The following IMMP2L variants were observed in gnomAD, a reference collection of about 807,000 sequenced individuals.
IMMP2L encodes inner mitochondrial membrane peptidase subunit 2.
Under a neutral mutation model 19.3 loss-of-function variants are expected in IMMP2L, and 18 were observed. That is an observed-to-expected ratio of 0.93 (90% CI 0.64 to 1.38). IMMP2L has a LOEUF of 1.38. Among genes scored for constraint, IMMP2L ranks in the 40% most tolerant of loss-of-function variants. IMMP2L has a pLI of 0.00. For missense variants in IMMP2L, 233 were observed against 218.2 expected (o/e 1.07, Z -0.43); for synonymous variants, 76 against 73.0 (o/e 1.04, Z -0.21).
chr7:111,190,052 A>T (rs1308733902), intron 3 of IMMP2L, among the ~76,000 whole-genome samples: 1 of 152,178 alleles, frequency 6.6e-6, no homozygotes, highest in Admixed American at 6.5e-5. Context: ...AGTATATAAA[A>T]ATAAATAATG....
In IMMP2L at chr7:111,044,762, T is replaced by A. The variant is rs989411239; in HGVS notation, c.240-81197A>T. ...AAAGGAACCAATTTGATACTTTTTT[T>A]ATCCCATCAACAAGTTACAAATATG... is the stretch of plus-strand genomic sequence containing the variant. On this transcript the variant is annotated intron_variant, in intron 3 of 5. Coordinates refer to ENST00000405709, the MANE Select transcript of IMMP2L (RefSeq NM_032549.4). Among the ~76,000 whole-genome samples, 2 of 152,196 alleles carry A rather than the reference T, an allele frequency of 1.3e-5. 1 individual carries two copies. Among genetic ancestry groups the A allele is most frequent in the Non-Finnish European group, 2.9e-5 (2 of 68,030 alleles).
chr7:110,857,609 T>C (rs1046661293), intron 5 of IMMP2L, among the ~76,000 whole-genome samples: 8 of 152,098 alleles, frequency 5.3e-5, no homozygotes, highest in African/African-American at 9.7e-5. Flanking sequence ...ATTCCAGGAA[T>C]AGAGCTCAAC....
At chr7:110,861,184 G>T (rs2129542761) in intron 5 of IMMP2L, among the ~76,000 whole-genome samples, 1 of 150,694 alleles carries the variant, frequency 6.6e-6, no homozygotes, top group African/African-American at 2.4e-5. Flanking sequence ...ACAGAGAGAA[G>T]AAAAATAAGC....
At chr7:111,197,215 C>G (rs1809597311) in intron 3 of IMMP2L, among the ~76,000 whole-genome samples, 1 of 152,150 alleles carries the variant, frequency 6.6e-6, no homozygotes, top group South Asian at 2.1e-4. Context: ...GTAATCCCAG[C>G]ACTTTGGAAG....
chr7:110,681,858 G>C (rs1792743446), intron 5 of IMMP2L, among the ~76,000 whole-genome samples: 1 of 152,066 alleles, frequency 6.6e-6, no homozygotes, highest in Admixed American at 6.6e-5. Flanking sequence ...CAGGAAGAGA[G>C]ACAGGTTCTC....
intron 1 of IMMP2L, among the ~76,000 whole-genome samples, chr7:111,537,954 C>T (rs1254217751): frequency 2.0e-5 from 3 of 152,062 alleles, no homozygotes; most frequent in Non-Finnish European, 4.4e-5. Context: ...CTACATCACT[C>T]TTCCCACCTT....
intron 4 of IMMP2L, among the ~76,000 whole-genome samples, chr7:110,929,625 T>G (rs1815255134): frequency 6.6e-6 from 1 of 152,204 alleles, no homozygotes; most frequent in Non-Finnish European, 1.5e-5. Flanking sequence ...GTAACAGCTG[T>G]AAATCAAGAT....
At chr7:111,538,633 T>TAAA (rs34613701) in intron 1 of IMMP2L, among the ~76,000 whole-genome samples, 1,432 of 97,138 alleles carry the variant, frequency 0.015, 33 homozygotes, top group African/African-American at 0.048. Flanking sequence ...ACCCTGTCTC[T>TAAA]AAAAAAAAAA....
intron 3 of IMMP2L, among the ~76,000 whole-genome samples, chr7:111,037,243 T>C (rs1791440608): frequency 6.6e-6 from 1 of 152,272 alleles, no homozygotes; most frequent in South Asian, 2.1e-4. Context: ...ATCTTAAGAT[T>C]TATATTTTCA....
At chr7:110,957,860 T>C (rs1818520751) in intron 4 of IMMP2L, among the ~76,000 whole-genome samples, 1 of 151,998 alleles carries the variant, frequency 6.6e-6, no homozygotes, top group Admixed American at 6.6e-5. Context: ...CATTTCTCTC[T>C]ACCCCCTTTT....
chr7:111,463,977 G>A (rs1187829675), intron 3 of IMMP2L, among the ~76,000 whole-genome samples: 1 of 152,166 alleles, frequency 6.6e-6, no homozygotes, highest in Non-Finnish European at 1.5e-5. Context: ...ATCACTTTCT[G>A]TCATATATAC....
At chr7:111,409,162 C>T (rs545208630) in intron 3 of IMMP2L, among the ~76,000 whole-genome samples, 1 of 151,560 alleles carries the variant, frequency 6.6e-6, no homozygotes, top group Non-Finnish European at 1.5e-5. Flanking sequence ...GTATTGATTA[C>T]ACAAACTAGT....
At chr7:110,946,865 C>T (rs1331242912) in intron 4 of IMMP2L, among the ~76,000 whole-genome samples, 27 of 151,652 alleles carry the variant, frequency 1.8e-4, no homozygotes, top group Non-Finnish European at 5.9e-5. Flanking sequence ...GGACTACAGG[C>T]GCCCGCCACC....
At chr7:111,489,408 A>G (rs1389888124) in intron 2 of IMMP2L, among the ~76,000 whole-genome samples, 2 of 151,996 alleles carry the variant, frequency 1.3e-5, no homozygotes, top group East Asian at 3.9e-4. Flanking sequence ...CAATAATGCT[A>G]CCATGGGAAG....
chr7:110,839,274 GAAACATCA>G (rs879276339), intron 5 of IMMP2L, among the ~76,000 whole-genome samples: 29 of 151,892 alleles, frequency 1.9e-4, no homozygotes, highest in Non-Finnish European at 3.1e-4. Context: ...AACATTAGTA[GAAACATCA>G]AATGAACAAA....
At chr7:111,499,307 G>C (rs1215057676) in intron 2 of IMMP2L, among the ~76,000 whole-genome samples, 2 of 152,206 alleles carry the variant, frequency 1.3e-5, no homozygotes, top group African/African-American at 4.8e-5. Flanking sequence ...GGATGGGGTA[G>C]ACAGGGAATA....
At chr7:110,683,131 T>C (rs1351556390) in intron 5 of IMMP2L, among the ~76,000 whole-genome samples, 2 of 152,122 alleles carry the variant, frequency 1.3e-5, no homozygotes, top group Non-Finnish European at 2.9e-5. Flanking sequence ...GCTGAATTTA[T>C]AGAACATATA....
Position 111,153,488 on chromosome 7 carries a change from T to A in IMMP2L, c.240-189923A>T, listed in dbSNP as rs941926595. Among the ~76,000 whole-genome samples, 3 of 152,034 alleles carry A rather than the reference T, an allele frequency of 2.0e-5. No individual in the cohort carries two copies. In the South Asian group the frequency reaches 6.2e-4, roughly 32 times the overall value. On this transcript the variant is annotated intron_variant, in intron 3 of 5. Coordinates refer to ENST00000405709, the MANE Select transcript of IMMP2L (RefSeq NM_032549.4). ...TTAAAGGATGTTTTGATTTACAATA[T>A]AAACTAAACTGGGCCTATCTTTTCA...
chr7:111,019,192 A>G (rs888934751), intron 3 of IMMP2L, among the ~76,000 whole-genome samples: 1 of 152,152 alleles, frequency 6.6e-6, no homozygotes, highest in African/African-American at 2.4e-5. Context: ...CATGAAGGAA[A>G]TATCTGTTGG....
Sources: allele counts gnomAD v4.1 joint callset (sites outside exome capture counted in the v4.1 genomes callset), GRCh38; gene constraint gnomAD v4.1.1; transcripts MANE v1.5; gene names NCBI Gene and HGNC (gene_info 2026-07-23, HGNC 2026-07-21).